Variants in INPP4B observed in about 807,000 individuals in gnomAD.
INPP4B encodes the protein inositol polyphosphate-4-phosphatase type II B, also known as inositol polyphosphate 4-phosphatase type II.
In INPP4B, 55 loss-of-function variants were observed where a neutral mutation model predicts 122.5. The observed-to-expected ratio is 0.45, with a 90% CI of 0.36 to 0.56. The LOEUF (loss-of-function observed/expected upper bound fraction) is 0.56. Ranked by LOEUF, INPP4B falls within the 20% of genes least tolerant of loss-of-function variation. The pLI is 0.00. For synonymous variants in INPP4B, 403 were observed against 388.7 expected (o/e 1.04, Z -0.43); for missense variants, 1,000 against 1,097.7 (o/e 0.91, Z 1.26).
At chr4:142,787,433 C>T (rs999614950) in intron 1 of INPP4B, among the ~76,000 whole-genome samples, 1 of 152,116 alleles carries the variant, frequency 6.6e-6, no homozygotes, top group Non-Finnish European at 1.5e-5. Context: ...AAGCCCTCTC[C>T]AGATGCTGGC....
chr4:142,326,186 G>A (rs1772288182), intron 7 of INPP4B, among the ~76,000 whole-genome samples: 1 of 152,138 alleles, frequency 6.6e-6, no homozygotes, highest in African/African-American at 2.4e-5. Context: ...CGGTTTTCTT[G>A]CACTATGTGT....
At chr4:142,233,815 A>T (rs1855508990) in intron 12 of INPP4B, among the ~76,000 whole-genome samples, 1 of 151,804 alleles carries the variant, frequency 6.6e-6, no homozygotes. Context: ...ATATAATTTA[A>T]TTTTTATATT....
chr4:142,787,584 T>C (rs1404401739), intron 1 of INPP4B, among the ~76,000 whole-genome samples: 4 of 152,120 alleles, frequency 2.6e-5, no homozygotes, highest in Non-Finnish European at 5.9e-5. Flanking sequence ...TTCATATTCA[T>C]ATTACCAACT....
At chr4:142,432,699 C>A (rs1809594662) in intron 3 of INPP4B, among the ~76,000 whole-genome samples, 1 of 152,070 alleles carries the variant, frequency 6.6e-6, no homozygotes, top group Non-Finnish European at 1.5e-5. Context: ...GAGATAATAT[C>A]TGTAGCAGAC....
intron 2 of INPP4B, among the ~76,000 whole-genome samples, chr4:142,653,061 A>G (rs1753353261): frequency 6.6e-6 from 1 of 152,218 alleles, no homozygotes; most frequent in Non-Finnish European, 1.5e-5. Flanking sequence ...GTCCTCAGAA[A>G]TAACACCACA....
At chr4:142,729,513 G>GAGT (rs1561005521) in intron 1 of INPP4B, among the ~76,000 whole-genome samples, 3 of 151,238 alleles carry the variant, frequency 2.0e-5, no homozygotes, top group African/African-American at 7.3e-5. Flanking sequence ...ATATAGCAGT[G>GAGT]GAAAAAGGAA....
At chr4:142,714,977 G>C (rs78552119) in intron 2 of INPP4B, among the ~76,000 whole-genome samples, 7,434 of 152,282 alleles carry the variant, frequency 0.049, 238 homozygotes, top group African/African-American at 0.081. Flanking sequence ...GTCCACATGT[G>C]CAGTGGCTAG....
At chr4:142,532,167 T>C (rs1424780154) in intron 2 of INPP4B, among the ~76,000 whole-genome samples, 1 of 152,160 alleles carries the variant, frequency 6.6e-6, no homozygotes, top group African/African-American at 2.4e-5. Flanking sequence ...TTAAACACTT[T>C]CAAAGGATTC....
At chr4:142,263,680 A>ATATATATATATT (rs61694410) in intron 10 of INPP4B, among the ~76,000 whole-genome samples, 1 of 81,948 alleles carries the variant, frequency 1.2e-5, no homozygotes, top group Non-Finnish European at 2.5e-5. Context: ...ATATATATAT[A>ATATATATATATT]ACATTGAACA....
chr4:142,285,552 A>G lies in INPP4B; in HGVS notation c.504-14778T>C, dbSNP rs895818170. Among the ~76,000 whole-genome samples the G allele has an allele frequency of 5.9e-5, 4 of 67,280 alleles. No homozygotes were observed. The African/African-American group carries it at 7.1e-4, about 12-fold the overall frequency. 44.1% of individuals were successfully genotyped at this position (67,280 alleles called of 152,430 possible). The stretch of plus-strand genomic sequence containing the variant: ...AGGCTCAATCCAGAAGTGTTTTCAG[A>G]GGATGCCTATCCTATACCAGGTATG... On this transcript the variant is annotated intron_variant, in intron 9 of 25. Coordinates refer to ENST00000262992, the MANE Select transcript of INPP4B (RefSeq NM_001101669.3).
intron 25 of INPP4B, among the ~76,000 whole-genome samples, chr4:142,060,611 T>A (rs76766062): frequency 0.016 from 2,377 of 152,290 alleles, 79 homozygotes; most frequent in African/African-American, 0.055. Context: ...TTTGCATGTC[T>A]TTTAACCCGT....
At chr4:142,057,223 C>T (rs1368059119) in intron 25 of INPP4B, among the ~76,000 whole-genome samples, 2 of 139,718 alleles carry the variant, frequency 1.4e-5, no homozygotes, top group Non-Finnish European at 3.1e-5. Context: ...TCTTTTGTAA[C>T]AATAAATATT....
intron 14 of INPP4B, among the ~76,000 whole-genome samples, chr4:142,194,632 T>C (rs1837397240): frequency 6.6e-6 from 1 of 152,190 alleles, no homozygotes; most frequent in African/African-American, 2.4e-5. Context: ...AGAAGTTAAC[T>C]GCTTTGTCTA....
chr4:142,520,940 C>T (rs1825997890), intron 2 of INPP4B, among the ~76,000 whole-genome samples: 1 of 151,830 alleles, frequency 6.6e-6, no homozygotes, highest in Non-Finnish European at 1.5e-5. Context: ...CTTAGATTTG[C>T]TTTTTAGTGC....
intron 11 of INPP4B, among the ~76,000 whole-genome samples, chr4:142,257,293 C>A (rs1351189318): frequency 6.6e-6 from 1 of 152,192 alleles, no homozygotes; most frequent in Non-Finnish European, 1.5e-5. Context: ...TGAAAACTGG[C>A]ACTAGACGGG....
intron 2 of INPP4B, among the ~76,000 whole-genome samples, chr4:142,629,973 A>T (rs1747561729): frequency 6.6e-6 from 1 of 152,150 alleles, no homozygotes; most frequent in Admixed American, 6.6e-5. Context: ...AGACAGGCAT[A>T]GGGCCTACAC....
At chr4:142,452,099 T>C (rs1157620931) in intron 3 of INPP4B, among the ~76,000 whole-genome samples, 1 of 152,208 alleles carries the variant, frequency 6.6e-6, no homozygotes, top group East Asian at 1.9e-4. Context: ...TTCCCCACCC[T>C]GTGTCCAGGT....
intron 9 of INPP4B, among the ~76,000 whole-genome samples, chr4:142,299,156 C>CTT (rs1010706761): frequency 5.7e-5 from 6 of 104,766 alleles, no homozygotes; most frequent in African/African-American, 1.5e-4. Flanking sequence ...TTCTTTCTTT[C>CTT]TTTTTTTTTT....
At chr4:142,460,758 G>T (rs575616817) in intron 3 of INPP4B, among the ~76,000 whole-genome samples, 1 of 152,034 alleles carries the variant, frequency 6.6e-6, no homozygotes, top group Non-Finnish European at 1.5e-5. Flanking sequence ...TGCTGAATTG[G>T]TCTAAAAAAG....
Sources: allele counts gnomAD v4.1 joint callset (sites outside exome capture counted in the v4.1 genomes callset), GRCh38; gene constraint gnomAD v4.1.1; transcripts MANE v1.5; gene names NCBI Gene and HGNC (gene_info 2026-07-23, HGNC 2026-07-21).